The following TSEN2 variants were observed in gnomAD, a reference collection of about 807,000 sequenced individuals.
The protein encoded by TSEN2 is tRNA-splicing endonuclease subunit Sen2.
Under a neutral mutation model 59.2 loss-of-function variants are expected in TSEN2, and 54 were observed. The observed-to-expected ratio is 0.91, with a 90% CI of 0.73 to 1.14. The LOEUF is 1.14. Ranked by LOEUF, TSEN2 falls within the 50% of genes most tolerant of loss-of-function variation. TSEN2 has a pLI of 0.00. For missense variants in TSEN2, 636 were observed against 576.2 expected (o/e 1.10, Z -1.06); for synonymous variants, 195 against 198.2 (o/e 0.98, Z 0.14).
intron 8 of TSEN2, among the ~76,000 whole-genome samples, chr3:12,522,332 G>T (rs886635537): frequency 3.3e-5 from 5 of 152,126 alleles, no homozygotes; most frequent in African/African-American, 1.2e-4. Flanking sequence ...GGAGGCCTTT[G>T]CCCTCACTGG....
At chr3:12,506,402 C>T (rs2054837156) in intron 6 of TSEN2, among the ~76,000 whole-genome samples, 1 of 152,022 alleles carries the variant, frequency 6.6e-6, no homozygotes, top group Middle Eastern at 3.4e-3. Context: ...TAAGGTCAGC[C>T]TAAGCAACAT....
At chr3:12,510,484 A>G (rs190140408) in intron 6 of TSEN2, among the ~76,000 whole-genome samples, 1 of 152,370 alleles carries the variant, frequency 6.6e-6, no homozygotes, top group East Asian at 1.9e-4. Context: ...TAAAGACAAT[A>G]GTCCCCACAC....
intron 7 of TSEN2, among the ~76,000 whole-genome samples, chr3:12,518,799 C>T (rs907906117): frequency 6.6e-6 from 1 of 151,744 alleles, no homozygotes; most frequent in South Asian, 2.1e-4. Flanking sequence ...CTGGCAGCTG[C>T]CCCACTGGAC....
intron 2 of TSEN2, among the ~76,000 whole-genome samples, chr3:12,490,208 A>T (rs1481103772): frequency 6.6e-6 from 1 of 152,088 alleles, no homozygotes; most frequent in African/African-American, 2.4e-5. Flanking sequence ...CTGCCCACAA[A>T]CCTTTATTTC....
At chr3:12,485,154 C>T (rs1288113675) in intron 1 of TSEN2, among the ~76,000 whole-genome samples, 1 of 152,122 alleles carries the variant, frequency 6.6e-6, no homozygotes, top group East Asian at 1.9e-4. Flanking sequence ...CCAGGAGGTG[C>T]GCAGATGGAG....
intron 6 of TSEN2, among the ~76,000 whole-genome samples, chr3:12,514,421 G>A (rs115424460): frequency 1.2e-4 from 19 of 152,210 alleles, no homozygotes; most frequent in Non-Finnish European, 2.1e-4. Context: ...CGTGATTTTC[G>A]TGTGCCAAGA....
intron 6 of TSEN2, among the ~76,000 whole-genome samples, chr3:12,514,361 T>C (rs1397116168): frequency 1.3e-5 from 2 of 152,176 alleles, no homozygotes. Flanking sequence ...GTTTGGACTT[T>C]ATTCTAAGGG....
At chr3:12,516,130 A>G (rs959909134) in intron 6 of TSEN2, among the ~76,000 whole-genome samples, 5 of 152,140 alleles carry the variant, frequency 3.3e-5, no homozygotes, top group African/African-American at 9.7e-5. Context: ...TATATTAAAA[A>G]TATGTGACTT....
chr3:12,510,383 T>G (rs1161310845), intron 6 of TSEN2, among the ~76,000 whole-genome samples: 1 of 152,258 alleles, frequency 6.6e-6, no homozygotes, highest in Non-Finnish European at 1.5e-5. Context: ...ACTCCAGTTT[T>G]AGAGGCTGCC....
intron 2 of TSEN2, 138 bp downstream of exon 2, chr3:12,490,127 A>G: frequency 1.1e-6 from 1 of 894,790 alleles, no homozygotes; most frequent in Non-Finnish European, 1.8e-6. Context: ...GTCCAGTTGT[A>G]GGAAAAGTAC....
At chr3:12,538,625 G>A (rs996678774), downstream of TSEN2, among the ~76,000 whole-genome samples, 2 of 152,096 alleles carry the variant, frequency 1.3e-5, no homozygotes, top group African/African-American at 4.8e-5. Flanking sequence ...TACCAAGGCT[G>A]GGGAATAAGA....
chr3:12,527,531 G>A (rs976817978), intron 8 of TSEN2, among the ~76,000 whole-genome samples: 17 of 147,382 alleles, frequency 1.2e-4, no homozygotes, highest in African/African-American at 3.8e-4. Flanking sequence ...TCGGCTCACT[G>A]CAAGCTCCGC....
chr3:12,503,668 G>A lies in TSEN2; in HGVS notation c.715G>A (p.Gly239Ser), dbSNP rs759203065. The change falls in exon 5 of 12, where the codon GGC (glycine) becomes AGC (serine). Residue 239 changes from glycine (G) to serine (S), a missense_variant. Coordinates refer to ENST00000284995, the MANE Select transcript of TSEN2 (RefSeq NM_025265.4). ...ILQRGLHHED[G>S]SQHIGLLHPG... ...CCAGCGTGGCCTTCATCATGAAGAC[G>A]GCAGCCAGCACATCGGCCTCCTGCA... is the stretch of plus-strand genomic sequence containing the variant. 19 of 1,607,352 alleles carry A rather than the reference G, an allele frequency of 1.2e-5. No homozygotes were observed. The highest frequency in any genetic ancestry group is 2.7e-5 in the African/African-American group (2 of 74,722).
At chr3:12,502,556 C>CAA (rs538748472) in intron 4 of TSEN2, among the ~76,000 whole-genome samples, 8 of 145,530 alleles carry the variant, frequency 5.5e-5, no homozygotes, top group African/African-American at 2.0e-4. Flanking sequence ...AACAATAATA[C>CAA]AAAAAAAAAA....
At chr3:12,480,345 C>G (rs935103429), upstream of TSEN2, among the ~76,000 whole-genome samples, 1 of 152,116 alleles carries the variant, frequency 6.6e-6, no homozygotes, top group African/African-American at 2.4e-5. Context: ...CTGCCCTCCT[C>G]CTCTCCTCCT....
intron 9 of TSEN2, 70 bp downstream of exon 9, chr3:12,528,994 T>C: frequency 6.5e-7 from 1 of 1,534,348 alleles, no homozygotes; most frequent in Non-Finnish European, 9.0e-7. Flanking sequence ...CTAATTTAAC[T>C]TTTTGGTGCC....
At chr3:12,513,129 T>G (rs76451883) in intron 6 of TSEN2, among the ~76,000 whole-genome samples, 2,129 of 152,314 alleles carry the variant, frequency 0.014, 52 homozygotes, top group African/African-American at 0.046. Flanking sequence ...GCATAGATGA[T>G]CAAAGCCAGT....
Position 12,491,244 on chromosome 3 carries a change from G to A in TSEN2, c.190-892G>A, listed in dbSNP as rs537450267. 6.6e-5 allele frequency among the ~76,000 whole-genome samples: 10 copies of A among 152,168 alleles called. No individual in the cohort carries two copies. The South Asian group carries it at 2.1e-3, about 32-fold the overall frequency. ...TGACCTCAAGTGATCTGCCCACCTC[G>A]GCCTCCCAAAGTGCCGGGATTACAG... is the stretch of plus-strand genomic sequence containing the variant. On this transcript the variant is annotated intron_variant, in intron 2 of 11. Transcript: ENST00000284995.
At position 12,519,079 on chromosome 3, in the gene TSEN2, G is replaced by A. The variant is rs764389093; in HGVS notation, c.981G>A (p.Lys327=). 6.2e-7 allele frequency: 1 copy of A among 1,614,160 alleles called. No homozygotes were observed. The highest frequency in any genetic ancestry group is 1.7e-5 in the Admixed American group (1 of 60,024). Residue 327 remains lysine (K), a synonymous_variant, in exon 8 of 12, where the codon AAG becomes AAA. Coordinates refer to ENST00000284995, the MANE Select transcript of TSEN2 (RefSeq NM_025265.4). ...TTTAGGAGCCTTTAACGATAGTGAA[G>A]CTCTGGAAAGCTTTCACTGTAGTTC... ...YYEKEPLTIV[K]LWKAFTVVQP...
Sources: allele counts gnomAD v4.1 joint callset (sites outside exome capture counted in the v4.1 genomes callset), GRCh38; gene constraint gnomAD v4.1.1; transcripts MANE v1.5; gene names NCBI Gene and HGNC (gene_info 2026-07-23, HGNC 2026-07-21).